SLC35F1: variants seen among roughly 807,000 people sequenced by gnomAD.
SLC35F1 encodes chromosome 6 open reading frame 169.
In SLC35F1, 14 loss-of-function variants were observed where a neutral mutation model predicts 48.7. The observed-to-expected ratio is 0.29, with a 90% CI of 0.19 to 0.45. The LOEUF (loss-of-function observed/expected upper bound fraction) is 0.45, where lower values mean the gene tolerates loss of function less well. SLC35F1 is among the 20% of genes least tolerant of loss of function. The pLI is 1.00. For missense variants in SLC35F1, 404 were observed against 500.0 expected (o/e 0.81, Z 1.83); for synonymous variants, 190 against 202.2 (o/e 0.94, Z 0.51).
At chr6:118,291,935 T>C (rs572166875) in intron 7 of SLC35F1, among the ~76,000 whole-genome samples, 1 of 151,918 alleles carries the variant, frequency 6.6e-6, no homozygotes, top group Non-Finnish European at 1.5e-5. Context: ...CTGGCCAACA[T>C]TGTGAAACTC....
rs74613757 is a variant in SLC35F1 at position 118,245,074 on chromosome 6, C to T, written c.477+9438C>T. Among the ~76,000 whole-genome samples the T allele has an allele frequency of 1.1e-4, 16 of 152,224 alleles. No homozygotes were observed. In the East Asian group the frequency reaches 2.1e-3, roughly 20 times the overall value. Reference sequence around the variant, plus strand: ...AGATAACTAAAAAAGATCCCCTCTCCGAAGAAGCTTTAAGTATTATAGACA... The same window carrying T: ...AGATAACTAAAAAAGATCCCCTCTCTGAAGAAGCTTTAAGTATTATAGACA... On this transcript the variant is annotated intron_variant, in intron 3 of 7. Transcript: ENST00000360388.
intron 1 of SLC35F1, among the ~76,000 whole-genome samples, chr6:118,032,115 C>G (rs551791155): frequency 6.6e-6 from 1 of 152,282 alleles, no homozygotes; most frequent in African/African-American, 2.4e-5. Context: ...AACAATGATG[C>G]TTAAATTAGC....
At chr6:117,925,889 T>C (rs1419186390) in intron 1 of SLC35F1, among the ~76,000 whole-genome samples, 1 of 152,148 alleles carries the variant, frequency 6.6e-6, no homozygotes, top group Non-Finnish European at 1.5e-5. Context: ...ATTGAGGAGC[T>C]TGAAGTACTG....
At chr6:118,231,796 G>A (rs1053258918) in intron 2 of SLC35F1, among the ~76,000 whole-genome samples, 1 of 152,184 alleles carries the variant, frequency 6.6e-6, no homozygotes, top group African/African-American at 2.4e-5. Flanking sequence ...TTGAGATGTG[G>A]CTGGTGCGCT....
intron 1 of SLC35F1, among the ~76,000 whole-genome samples, chr6:118,050,660 G>A (rs1772375941): frequency 6.6e-6 from 1 of 152,088 alleles, no homozygotes; most frequent in African/African-American, 2.4e-5. Flanking sequence ...GGAACTGAAA[G>A]AAATTCCCTG....
chr6:118,131,006 C>T (rs1040438459), intron 1 of SLC35F1, among the ~76,000 whole-genome samples: 3 of 152,110 alleles, frequency 2.0e-5, no homozygotes, highest in African/African-American at 4.8e-5. Flanking sequence ...GGCAAGGTAG[C>T]AAGTATTGCC....
chr6:118,233,084 A>G (rs1326599504), intron 2 of SLC35F1, among the ~76,000 whole-genome samples: 2 of 151,726 alleles, frequency 1.3e-5, no homozygotes, highest in African/African-American at 4.8e-5. Context: ...TCCTGCCTCA[A>G]CCTCCTGAGT....
chr6:118,088,240 T>A (rs1218438132), intron 1 of SLC35F1, among the ~76,000 whole-genome samples: 1 of 152,232 alleles, frequency 6.6e-6, no homozygotes, highest in South Asian at 2.1e-4. Context: ...TATGGTGAAG[T>A]ATCCTTTTAT....
chr6:117,978,068 G>C (rs1006699957), intron 1 of SLC35F1, among the ~76,000 whole-genome samples: 5 of 152,086 alleles, frequency 3.3e-5, no homozygotes, highest in African/African-American at 1.2e-4. Context: ...ATTTATTACA[G>C]TCATTTTTTT....
intron 1 of SLC35F1, among the ~76,000 whole-genome samples, chr6:118,072,765 T>G (rs914452978): frequency 6.6e-6 from 1 of 151,790 alleles, no homozygotes; most frequent in African/African-American, 2.4e-5. Context: ...GTGTGGAGGG[T>G]TTTTATTTGA....
intron 1 of SLC35F1, among the ~76,000 whole-genome samples, chr6:118,077,207 A>C (rs1005314337): frequency 1.3e-5 from 2 of 152,198 alleles, no homozygotes; most frequent in African/African-American, 4.8e-5. Flanking sequence ...CAGTGTGTGC[A>C]GGGGAAGGAG....
chr6:118,096,311 G>C (rs372871516), intron 1 of SLC35F1, among the ~76,000 whole-genome samples: 2 of 152,284 alleles, frequency 1.3e-5, no homozygotes. Flanking sequence ...CCTGATAGCT[G>C]AATTCCCATT....
At chr6:118,039,123 T>C (rs1772174708) in intron 1 of SLC35F1, among the ~76,000 whole-genome samples, 1 of 152,210 alleles carries the variant, frequency 6.6e-6, no homozygotes, top group Non-Finnish European at 1.5e-5. Flanking sequence ...AATAAGTTTT[T>C]GGGATGTAGA....
At chr6:118,209,878 C>T (rs1774980997) in intron 2 of SLC35F1, among the ~76,000 whole-genome samples, 2 of 152,108 alleles carry the variant, frequency 1.3e-5, no homozygotes, top group South Asian at 4.1e-4. Context: ...TCCAATATTT[C>T]TCTTAATTCT....
At chr6:118,096,256 T>C (rs1412813508) in intron 1 of SLC35F1, among the ~76,000 whole-genome samples, 1 of 152,180 alleles carries the variant, frequency 6.6e-6, no homozygotes, top group Non-Finnish European at 1.5e-5. Context: ...TGGACACAGA[T>C]ATATTTAGGT....
chr6:118,052,235 A>G (rs1207532546), intron 1 of SLC35F1, among the ~76,000 whole-genome samples: 1 of 152,038 alleles, frequency 6.6e-6, no homozygotes, highest in Non-Finnish European at 1.5e-5. Flanking sequence ...TCTGTAAACA[A>G]CTCACCATGT....
At chr6:117,919,252 G>T (rs903404684) in intron 1 of SLC35F1, among the ~76,000 whole-genome samples, 1 of 152,182 alleles carries the variant, frequency 6.6e-6, no homozygotes, top group Middle Eastern at 3.4e-3. Flanking sequence ...CTGGAGTGAT[G>T]GTGTCCCCTT....
intron 2 of SLC35F1, among the ~76,000 whole-genome samples, chr6:118,158,360 A>G (rs1482036118): frequency 1.3e-5 from 2 of 152,190 alleles, no homozygotes; most frequent in Non-Finnish European, 2.9e-5. Flanking sequence ...TTTGGGAAAG[A>G]ATGAACAACA....
intron 1 of SLC35F1, among the ~76,000 whole-genome samples, chr6:118,136,283 T>A (rs1019331517): frequency 3.3e-5 from 5 of 152,222 alleles, no homozygotes; most frequent in African/African-American, 1.2e-4. Context: ...TGCTAACTCA[T>A]TGAGCATGCT....
Sources: allele counts gnomAD v4.1 joint callset (sites outside exome capture counted in the v4.1 genomes callset), GRCh38; gene constraint gnomAD v4.1.1; transcripts MANE v1.5; gene names NCBI Gene and HGNC (gene_info 2026-07-23, HGNC 2026-07-21).